Variants in CSNK1G1 observed in about 807,000 individuals in gnomAD.
The protein encoded by CSNK1G1 is casein kinase 1 gamma 1.
A neutral mutation model predicts 59.6 loss-of-function variants in CSNK1G1; 22 were observed. The ratio of observed to expected loss-of-function variants is 0.37; its 90% confidence interval spans 0.26 to 0.53. The LOEUF (loss-of-function observed/expected upper bound fraction) is 0.53, where lower values mean the gene tolerates loss of function less well. Ranked by LOEUF, CSNK1G1 falls within the 20% of genes least tolerant of loss-of-function variation. The pLI, the probability that CSNK1G1 is intolerant of heterozygous loss-of-function variation, is 0.89. For missense variants in CSNK1G1, 384 were observed against 519.5 expected (o/e 0.74, Z 2.54); for synonymous variants, 179 against 177.1 (o/e 1.01, Z -0.08).
At chr15:64,304,323 C>T (rs1311309561) in intron 1 of CSNK1G1, among the ~76,000 whole-genome samples, 2 of 134,016 alleles carry the variant, frequency 1.5e-5, no homozygotes, top group African/African-American at 5.7e-5. Context: ...GCGGAGGGGG[C>T]AGTGGGCTGA....
At position 64,210,547 on chromosome 15, in the gene CSNK1G1, G is replaced by A. The variant is rs970618968; in HGVS notation, c.680-2953C>T. ...ACAAAATTCTTCAATTCTTCTGATT[G>A]GTTGAAAGGTGTGCTTTCATCCAAT... On this transcript the variant is annotated intron_variant, in intron 6 of 11. Transcript: ENST00000303052. This position sits in a 1 kb window ranked among gnomAD's most constrained non-coding sequence, Gnocchi z 4.2. Among the ~76,000 whole-genome samples, 1 of 152,068 alleles carries A rather than the reference G, an allele frequency of 6.6e-6. No homozygotes were observed. Among genetic ancestry groups the A allele is most frequent in the Non-Finnish European group, 1.5e-5 (1 of 68,016 alleles).
intron 1 of CSNK1G1, among the ~76,000 whole-genome samples, chr15:64,323,530 T>C (rs923316503): frequency 2.0e-5 from 3 of 152,024 alleles, no homozygotes; most frequent in African/African-American, 7.2e-5. Context: ...CACGCCCAGC[T>C]AATTTTGTAT....
At chr15:64,301,656 G>A (rs1895344856) in intron 1 of CSNK1G1, among the ~76,000 whole-genome samples, 1 of 152,212 alleles carries the variant, frequency 6.6e-6, no homozygotes, top group African/African-American at 2.4e-5. Context: ...GGGAGGCCAA[G>A]GCAGGCAGAT....
intron 10 of CSNK1G1, among the ~76,000 whole-genome samples, chr15:64,201,212 A>G (rs112593927): frequency 0.014 from 2,075 of 146,170 alleles, 12 homozygotes; most frequent in Non-Finnish European, 0.02. Context: ...ACAGAGGTTG[A>G]GGTAATCTGA....
chr15:64,324,292 G>GTA (rs1489860261), intron 1 of CSNK1G1, among the ~76,000 whole-genome samples: 2 of 152,180 alleles, frequency 1.3e-5, no homozygotes, highest in African/African-American at 4.8e-5. Context: ...TTCTGTGAGG[G>GTA]TATTGCCAAA....
chr15:64,281,200 A>T (rs1490293770), intron 2 of CSNK1G1, among the ~76,000 whole-genome samples: 1 of 152,226 alleles, frequency 6.6e-6, no homozygotes, highest in Non-Finnish European at 1.5e-5. Context: ...ATTCTGATAC[A>T]TACTATTATC....
Position 64,204,620 on chromosome 15 carries a change from AT to A in CSNK1G1, c.851-32del, listed in dbSNP as rs2082153230. The A allele has an allele frequency of 2.5e-6, 4 of 1,605,484 alleles. No individual in the cohort carries two copies. In the African/African-American group the frequency reaches 5.4e-5, roughly 22 times the overall value. On this transcript the variant is annotated intron_variant, in intron 8 of 11. Coordinates refer to ENST00000303052, the MANE Select transcript of CSNK1G1 (RefSeq NM_022048.5). ...AGGAAAGAGATGAAAGGCCCTGCTC[AT>A]TAGCTGAATGCTTTCCATAGCAGTT...
At chr15:64,259,025 T>C (rs549287669) in intron 3 of CSNK1G1, 176 bp downstream of exon 3, 15 of 566,330 alleles carry the variant, frequency 2.6e-5, no homozygotes, top group Non-Finnish European at 4.0e-5. Flanking sequence ...TGTTATATAG[T>C]ATACAGTGAT....
intron 1 of CSNK1G1, among the ~76,000 whole-genome samples, chr15:64,311,352 C>T (rs1274794150): frequency 3.3e-5 from 5 of 152,156 alleles, no homozygotes; most frequent in South Asian, 2.1e-4. Flanking sequence ...AGCCTACACA[C>T]GCATTTTAAA....
intron 2 of CSNK1G1, among the ~76,000 whole-genome samples, chr15:64,293,682 GC>G (rs1894862845): frequency 6.6e-6 from 1 of 152,202 alleles, no homozygotes; most frequent in South Asian, 2.1e-4. Context: ...AGGCTGCATG[GC>G]AGGAGGTGAG....
intron 4 of CSNK1G1, among the ~76,000 whole-genome samples, chr15:64,241,765 A>C (rs1030584603): frequency 1.3e-5 from 2 of 152,072 alleles, no homozygotes; most frequent in Non-Finnish European, 2.9e-5. Flanking sequence ...AAAAGTAGAG[A>C]TTTCAAATAA....
chr15:64,301,457 T>C lies in CSNK1G1; in HGVS notation c.-224-734A>G, dbSNP rs544271468. Among the ~76,000 whole-genome samples the C allele has an allele frequency of 5.9e-5, 9 of 152,288 alleles. No homozygotes were observed. In the East Asian group the frequency reaches 1.4e-3, roughly 23 times the overall value. ...TCAGGACTGAGCCCAACACAAATGT[T>C]TGCAATGAGATAATTTTGATGCTAT... On this transcript the variant is annotated intron_variant, in intron 1 of 11. Coordinates refer to ENST00000303052, the MANE Select transcript of CSNK1G1 (RefSeq NM_022048.5).
At position 64,208,398 on chromosome 15, in the gene CSNK1G1, G is replaced by GT. The variant is rs574465204; in HGVS notation, c.680-805dup. On this transcript the variant is annotated intron_variant, in intron 6 of 11. Coordinates refer to ENST00000303052, the MANE Select transcript of CSNK1G1 (RefSeq NM_022048.5). ...AAGCGTATCTAAAACAAGTTGCTGG[G>GT]TTTTTCTCTCCTTTTAATTGGGAAG... Among the ~76,000 whole-genome samples the GT allele has an allele frequency of 3.0e-3, 462 of 152,244 alleles. 1 individual carries two copies. The highest frequency in any genetic ancestry group is 0.011 in the African/African-American group (445 of 41,540).
chr15:64,279,368 A>G (rs1201643096), intron 2 of CSNK1G1, among the ~76,000 whole-genome samples: 1 of 152,202 alleles, frequency 6.6e-6, no homozygotes, highest in African/African-American at 2.4e-5. Context: ...CATCATATGG[A>G]TGGAATTATC....
At chr15:64,198,550 T>C (rs115372601) in intron 10 of CSNK1G1, among the ~76,000 whole-genome samples, 1 of 152,060 alleles carries the variant, frequency 6.6e-6, no homozygotes, top group Non-Finnish European at 1.5e-5. Context: ...TCAGATTTAC[T>C]GAGTCAAAGT....
intron 10 of CSNK1G1, chr15:64,189,567 C>T: frequency 3.5e-6 from 3 of 847,838 alleles, no homozygotes; most frequent in African/African-American, 1.8e-5. Context: ...TAAACAGCTG[C>T]AGGGGTTAGG....
intron 4 of CSNK1G1, among the ~76,000 whole-genome samples, chr15:64,228,383 C>G (rs1196727817): frequency 6.6e-6 from 1 of 152,264 alleles, no homozygotes; most frequent in African/African-American, 2.4e-5. Flanking sequence ...CACGGTGGCT[C>G]ACGCCTGTAA....
intron 3 of CSNK1G1, 101 bp downstream of exon 3, chr15:64,259,100 A>G (rs1386246900): frequency 1.2e-5 from 11 of 955,380 alleles, no homozygotes; most frequent in African/African-American, 1.7e-5. Flanking sequence ...ACCCCAAACC[A>G]TTAGCAGTTT....
Position 64,171,848 on chromosome 15 carries a change from T to A in CSNK1G1, c.*83A>T, listed in dbSNP as rs1176919526. 1.7e-6 allele frequency: 2 copies of A among 1,180,540 alleles called. No individual in the cohort carries two copies. Among genetic ancestry groups the A allele is most frequent in the African/African-American group, 3.0e-5 (2 of 66,158 alleles). 73.1% of individuals were successfully genotyped at this position (1,180,540 alleles called of 1,614,324 possible). On this transcript the variant is annotated 3_prime_UTR_variant, in exon 12 of 12. Transcript: ENST00000303052. The surrounding 1 kb of genome is among the most constrained non-coding windows in gnomAD (Gnocchi z 4.8). ...ATATCCACCCTCCCCCAAAGAGGAG[T>A]CCCTTCCAATGAGAAATGGCAGGAG...
Sources: allele counts gnomAD v4.1 joint callset (sites outside exome capture counted in the v4.1 genomes callset), GRCh38; gene constraint gnomAD v4.1.1; non-coding constraint Gnocchi (gnomAD v3.1); transcripts MANE v1.5; gene names NCBI Gene and HGNC (gene_info 2026-07-23, HGNC 2026-07-21).